LMOD1: variants seen among roughly 807,000 people sequenced by gnomAD.
The protein encoded by LMOD1 is leiomodin-1.
A neutral mutation model predicts 36.5 loss-of-function variants in LMOD1; 8 were observed. That is an observed-to-expected ratio of 0.22 (90% CI 0.13 to 0.40). The LOEUF (loss-of-function observed/expected upper bound fraction) is 0.40. Among genes scored for constraint, LMOD1 ranks in the 10% least tolerant of loss-of-function variants. LMOD1 has a pLI of 1.00. For missense variants in LMOD1, 630 were observed against 751.1 expected, an observed-to-expected ratio of 0.84 and a Z score of 1.88; for synonymous variants, 284 against 288.7, an observed-to-expected ratio of 0.98 and a Z score of 0.17.
At chr1:201,922,664 C>G (rs1459493061) in intron 1 of LMOD1, among the ~76,000 whole-genome samples, 1 of 151,504 alleles carries the variant, frequency 6.6e-6, no homozygotes, top group Admixed American at 6.6e-5. Context: ...TGGTGTTGTA[C>G]AACTTTGTGA....
rs1306364773 is a variant in LMOD1, at chr1:201,897,876, C to T, written c.*496G>A. ...GGACTTTGGGGTATCCTCAGCCCCT[C>T]CCCACGCTCCCCTTTGGGCCCCCAT... On this transcript the variant is annotated 3_prime_UTR_variant, in exon 3 of 3. Coordinates refer to ENST00000367288, the MANE Select transcript of LMOD1 (RefSeq NM_012134.3). 8 of 158,470 alleles carry T rather than the reference C, an allele frequency of 5.0e-5. No homozygotes were observed. Among genetic ancestry groups the T allele is most frequent in the Non-Finnish European group, 1.1e-4 (8 of 71,966 alleles). The allele number at this position is 158,470 out of a possible 1,614,324, so 9.8% of individuals were successfully genotyped here.
intron 1 of LMOD1, among the ~76,000 whole-genome samples, chr1:201,909,839 T>C (rs1681464875): frequency 6.6e-6 from 1 of 152,188 alleles, no homozygotes. Context: ...TATGCAGCTA[T>C]TACACGATAA....
At chr1:201,904,379 T>C (rs1681378286) in intron 1 of LMOD1, among the ~76,000 whole-genome samples, 1 of 151,990 alleles carries the variant, frequency 6.6e-6, no homozygotes, top group South Asian at 2.1e-4. Context: ...CCTAGCTAAT[T>C]TTGTATTTTT....
intron 1 of LMOD1, among the ~76,000 whole-genome samples, chr1:201,901,550 A>ATATATATG (rs1558234657): frequency 2.1e-5 from 1 of 48,494 alleles, no homozygotes; most frequent in East Asian, 6.0e-4. Flanking sequence ...ATATATATAT[A>ATATATATG]TACATATATA....
chr1:201,931,628 G>T (rs908460410), intron 1 of LMOD1, among the ~76,000 whole-genome samples: 4 of 151,970 alleles, frequency 2.6e-5, no homozygotes, highest in Non-Finnish European at 5.9e-5. Context: ...CAAGTTTTCA[G>T]GTGACAGAAG....
At chr1:201,914,774 C>A (rs1194893044) in intron 1 of LMOD1, among the ~76,000 whole-genome samples, 1 of 151,416 alleles carries the variant, frequency 6.6e-6, no homozygotes, top group Admixed American at 6.6e-5. Context: ...CTGGTGCCCA[C>A]CCCTCCTCCC....
In LMOD1 at chr1:201,946,480, C is replaced by A. The variant is rs1305570516; in HGVS notation, c.-140G>T. 5 of 841,852 alleles carry A rather than the reference C, an allele frequency of 5.9e-6. No individual in the cohort carries two copies. The highest frequency in any genetic ancestry group is 9.2e-6 in the Non-Finnish European group (5 of 546,334). 52.1% of individuals were successfully genotyped at this position (841,852 alleles called of 1,614,324 possible). A position where few individuals can be genotyped will look rare whatever the true frequency, so the allele number is the denominator to read the frequency against. ...GGTCGAGGACTGCAGCTCCTTGGCC[C>A]TTCTGTGCTACAGGTGCTGAAGTGT... On this transcript the variant is annotated 5_prime_UTR_variant, in exon 1 of 3. In the 5' UTR this introduces an upstream ATG that the reference lacks. Coordinates refer to ENST00000367288, the MANE Select transcript of LMOD1 (RefSeq NM_012134.3).
intron 1 of LMOD1, among the ~76,000 whole-genome samples, chr1:201,940,453 G>A (rs1199901820): frequency 2.0e-5 from 3 of 152,046 alleles, no homozygotes; most frequent in Non-Finnish European, 4.4e-5. Context: ...CCCAAGCACT[G>A]GGATTACAGG....
intron 1 of LMOD1, among the ~76,000 whole-genome samples, chr1:201,910,063 A>C (rs1403755633): frequency 6.6e-6 from 1 of 152,176 alleles, no homozygotes; most frequent in Non-Finnish European, 1.5e-5. Flanking sequence ...GGTGCAAGAC[A>C]CCGTGCTAAT....
At chr1:201,937,881 C>G (rs1402510205) in intron 1 of LMOD1, among the ~76,000 whole-genome samples, 1 of 152,164 alleles carries the variant, frequency 6.6e-6, no homozygotes, top group Admixed American at 6.6e-5. Flanking sequence ...CATTAAAGAG[C>G]TGGCAAATTA....
At chr1:201,935,890 A>G (rs1682009875) in intron 1 of LMOD1, among the ~76,000 whole-genome samples, 1 of 150,730 alleles carries the variant, frequency 6.6e-6, no homozygotes, top group African/African-American at 2.4e-5. Flanking sequence ...AGGTGGGCAG[A>G]TTGCCTGAGG....
chr1:201,938,366 T>C (rs1682052259), intron 1 of LMOD1, among the ~76,000 whole-genome samples: 1 of 152,066 alleles, frequency 6.6e-6, no homozygotes, highest in African/African-American at 2.4e-5. Context: ...CCACCTCAGG[T>C]GATCTGCCCG....
At chr1:201,926,260 G>A (rs1681824706) in intron 1 of LMOD1, among the ~76,000 whole-genome samples, 1 of 152,190 alleles carries the variant, frequency 6.6e-6, no homozygotes, top group African/African-American at 2.4e-5. Flanking sequence ...CTGACCATAA[G>A]TCTCTGCGTT....
chr1:201,921,286 G>C lies in LMOD1; in HGVS notation c.262-20535C>G, dbSNP rs146426984. 3.2e-3 allele frequency among the ~76,000 whole-genome samples: 479 copies of C among 150,434 alleles called. 5 individuals carry two copies. Among genetic ancestry groups the C allele is most frequent in the Admixed American group, 0.023 (341 of 15,082 alleles). On this transcript the variant is annotated intron_variant, in intron 1 of 2. Coordinates refer to ENST00000367288, the MANE Select transcript of LMOD1 (RefSeq NM_012134.3). Reference sequence around the variant, plus strand: ...GGGCAGATCACGAGGTCAGGAGTTCGAGGCTAGCCTGGCCAGCATAGTGAA... The same window carrying C: ...GGGCAGATCACGAGGTCAGGAGTTCCAGGCTAGCCTGGCCAGCATAGTGAA...
At chr1:201,938,277 G>C (rs369765621) in intron 1 of LMOD1, among the ~76,000 whole-genome samples, 1 of 151,932 alleles carries the variant, frequency 6.6e-6, no homozygotes, top group Non-Finnish European at 1.5e-5. Flanking sequence ...TTACAGGCAC[G>C]TGCCACCACG....
In LMOD1 at chr1:201,899,816, G is replaced by A; in HGVS notation, c.1197C>T (p.Ile399=). The A allele has an allele frequency of 6.2e-7, 1 of 1,614,046 alleles. No individual in the cohort carries two copies. Among genetic ancestry groups the A allele is most frequent in the Non-Finnish European group, 8.5e-7 (1 of 1,179,888 alleles). Residue 399 remains isoleucine (I), a synonymous_variant, in exon 2 of 3, where the codon ATC becomes ATT. Coordinates refer to ENST00000367288, the MANE Select transcript of LMOD1 (RefSeq NM_012134.3). The surrounding 1 kb of genome is among the most constrained non-coding windows in gnomAD (Gnocchi z 6.3). Reference sequence around the variant, plus strand: ...AGATGGCCAGGATGCCTTTGCCTGTGATGTGGTTGGAGTCCAGGTTGAGGC... The same window carrying A: ...AGATGGCCAGGATGCCTTTGCCTGTAATGTGGTTGGAGTCCAGGTTGAGGC... ...ITSLNLDSNH[I]TGKGILAIFR...
intron 1 of LMOD1, among the ~76,000 whole-genome samples, chr1:201,930,207 G>A (rs1681894295): frequency 1.3e-5 from 2 of 152,154 alleles, no homozygotes; most frequent in Admixed American, 6.6e-5. Context: ...ATTTGATCAC[G>A]GAAGCTACAC....
intron 1 of LMOD1, among the ~76,000 whole-genome samples, chr1:201,938,775 C>A (rs1364734299): frequency 6.6e-6 from 1 of 152,286 alleles, no homozygotes; most frequent in Middle Eastern, 3.4e-3. Flanking sequence ...TGCTTCTATT[C>A]CTAGCTGTTT....
chr1:201,921,756 C>T (rs558378376), intron 1 of LMOD1, among the ~76,000 whole-genome samples: 6 of 151,798 alleles, frequency 4.0e-5, no homozygotes, highest in African/African-American at 1.4e-4. Flanking sequence ...GTCAGGAGAT[C>T]GAGACCATCC....
Sources: gnomAD v4.1 joint callset for allele counts (sites outside exome capture counted in the v4.1 genomes callset) on GRCh38, gnomAD v4.1.1 for gene constraint, Gnocchi (gnomAD v3.1) non-coding constraint, MANE v1.5 for transcripts, NCBI Gene and HGNC (gene_info 2026-07-23, HGNC 2026-07-21) for gene names.